The following NKAIN3 variants were observed in gnomAD, a reference collection of about 807,000 sequenced individuals.
NKAIN3 encodes sodium/potassium transporting ATPase interacting 3.
Under a neutral mutation model 30.2 loss-of-function variants are expected in NKAIN3, and 25 were observed. That is an observed-to-expected ratio of 0.83 (90% confidence interval 0.60 to 1.16). The LOEUF (loss-of-function observed/expected upper bound fraction) is 1.16, where lower values mean the gene tolerates loss of function less well. NKAIN3 is among the 50% of genes most tolerant of loss of function. The pLI is 0.00. For synonymous variants in NKAIN3, 91 were observed against 89.6 expected, an observed-to-expected ratio of 1.02 and a Z score of -0.09; for missense variants, 225 against 254.1, an observed-to-expected ratio of 0.89 and a Z score of 0.78.
chr8:62,685,092 G>A (rs1046539388), intron 3 of NKAIN3, among the ~76,000 whole-genome samples: 1 of 152,166 alleles, frequency 6.6e-6, no homozygotes, highest in African/African-American at 2.4e-5. Context: ...TTGCCAAGTT[G>A]TTGTACAGGC....
chr8:62,509,482 T>C (rs946155520), intron 1 of NKAIN3, among the ~76,000 whole-genome samples: 1 of 152,114 alleles, frequency 6.6e-6, no homozygotes, highest in African/African-American at 2.4e-5. Flanking sequence ...TCCGACTTAA[T>C]AAAAACAGCC....
chr8:62,838,193 G>A (rs1220926169), intron 4 of NKAIN3, among the ~76,000 whole-genome samples: 1 of 150,904 alleles, frequency 6.6e-6, no homozygotes, highest in Admixed American at 6.6e-5. Flanking sequence ...CAAGCATATT[G>A]CAGCTTCCTA....
chr8:62,300,965 A>C (rs58402023), intron 1 of NKAIN3, among the ~76,000 whole-genome samples: 215 of 152,258 alleles, frequency 1.4e-3, no homozygotes, highest in African/African-American at 4.9e-3. Flanking sequence ...AATATACATT[A>C]TAATAGTAGT....
chr8:62,454,914 A>G (rs1215392410), intron 1 of NKAIN3, among the ~76,000 whole-genome samples: 1 of 152,236 alleles, frequency 6.6e-6, no homozygotes, highest in Non-Finnish European at 1.5e-5. Context: ...AGCGCCTTGT[A>G]TAGTGATCTT....
intron 4 of NKAIN3, among the ~76,000 whole-genome samples, chr8:62,778,522 C>A (rs1233066335): frequency 6.6e-6 from 1 of 152,112 alleles, no homozygotes; most frequent in South Asian, 2.1e-4. Flanking sequence ...TGTCTGGCTA[C>A]TGCCAATGTT....
At chr8:62,621,164 C>T (rs976996721) in intron 3 of NKAIN3, among the ~76,000 whole-genome samples, 1 of 152,104 alleles carries the variant, frequency 6.6e-6, no homozygotes, top group East Asian at 1.9e-4. Context: ...TAAATTAGTC[C>T]ATTAATTATA....
chr8:62,465,301 C>T (rs928605888), intron 1 of NKAIN3, among the ~76,000 whole-genome samples: 3 of 152,034 alleles, frequency 2.0e-5, no homozygotes, highest in African/African-American at 7.2e-5. Context: ...GTAATTCAAC[C>T]TGACTATCCT....
At chr8:62,817,594 C>A (rs1818723611) in intron 4 of NKAIN3, among the ~76,000 whole-genome samples, 1 of 152,128 alleles carries the variant, frequency 6.6e-6, no homozygotes, top group Non-Finnish European at 1.5e-5. Context: ...ACCGAGCCAA[C>A]AGGCATCTTG....
intron 4 of NKAIN3, among the ~76,000 whole-genome samples, chr8:62,770,405 C>A (rs1337356506): frequency 1.3e-5 from 2 of 152,174 alleles, no homozygotes; most frequent in African/African-American, 4.8e-5. Flanking sequence ...AACAACAAAC[C>A]TGTGTTTCTC....
intron 3 of NKAIN3, among the ~76,000 whole-genome samples, chr8:62,701,601 C>T (rs993325483): frequency 1.3e-5 from 2 of 152,042 alleles, no homozygotes; most frequent in Non-Finnish European, 2.9e-5. Context: ...TAAATGGGGT[C>T]GCTAGAATGC....
chr8:62,851,323 C>T (rs187814614), intron 4 of NKAIN3, among the ~76,000 whole-genome samples: 87 of 152,274 alleles, frequency 5.7e-4, no homozygotes, highest in African/African-American at 1.7e-3. Context: ...TGAGACTTTG[C>T]TGAAGTTGCC....
At chr8:62,277,548 G>A (rs1008307558) in intron 1 of NKAIN3, among the ~76,000 whole-genome samples, 1 of 152,134 alleles carries the variant, frequency 6.6e-6, no homozygotes, top group African/African-American at 2.4e-5. Context: ...AACATAGCTT[G>A]TGTGGTATGA....
intron 4 of NKAIN3, among the ~76,000 whole-genome samples, chr8:62,821,270 T>C (rs1339708509): frequency 6.6e-6 from 1 of 152,164 alleles, no homozygotes; most frequent in Non-Finnish European, 1.5e-5. Flanking sequence ...AGAAACACAA[T>C]GGTGGGTTTT....
chr8:62,819,700 T>TG (rs199698943), intron 4 of NKAIN3, among the ~76,000 whole-genome samples: 3,045 of 151,350 alleles, frequency 0.02, 114 homozygotes, highest in African/African-American at 0.071. Context: ...GAGAAATTAC[T>TG]GGGAAAAAAA....
chr8:62,711,766 G>T (rs537672651), intron 3 of NKAIN3, among the ~76,000 whole-genome samples: 1 of 152,056 alleles, frequency 6.6e-6, no homozygotes, highest in Non-Finnish European at 1.5e-5. Flanking sequence ...TCTTGGTTTG[G>T]ATCCATTGCT....
intron 3 of NKAIN3, among the ~76,000 whole-genome samples, chr8:62,715,149 A>G (rs1054110293): frequency 2.0e-5 from 3 of 152,152 alleles, no homozygotes; most frequent in African/African-American, 7.2e-5. Context: ...AGGAGAACTT[A>G]CTATCACAAG....
intron 1 of NKAIN3, among the ~76,000 whole-genome samples, chr8:62,289,726 G>T (rs924387598): frequency 6.6e-6 from 1 of 152,036 alleles, no homozygotes; most frequent in Non-Finnish European, 1.5e-5. Context: ...GGCAATGTGG[G>T]CTATTTTTGG....
At chr8:62,950,183 T>G (rs1301702653) in intron 5 of NKAIN3, among the ~76,000 whole-genome samples, 1 of 152,220 alleles carries the variant, frequency 6.6e-6, no homozygotes, top group African/African-American at 2.4e-5. Context: ...TTCTATTTCT[T>G]AATTTTCTTC....
At chr8:62,759,654 T>C (rs989270174) in intron 4 of NKAIN3, among the ~76,000 whole-genome samples, 2 of 152,166 alleles carry the variant, frequency 1.3e-5, no homozygotes, top group Non-Finnish European at 2.9e-5. Context: ...CAAGTGAAAT[T>C]GCAGTAATGC....
Sources: gnomAD v4.1 joint callset for allele counts (sites outside exome capture counted in the v4.1 genomes callset) on GRCh38, gnomAD v4.1.1 for gene constraint, MANE v1.5 for transcripts, NCBI Gene and HGNC (gene_info 2026-07-23, HGNC 2026-07-21) for gene names.